Variants in DLG1 observed in about 807,000 individuals in gnomAD.
DLG1 encodes the protein disks large homolog 1.
Under a neutral mutation model 123.4 loss-of-function variants are expected in DLG1, and 42 were observed. That is an observed-to-expected ratio of 0.34 (90% CI 0.27 to 0.44). The LOEUF (loss-of-function observed/expected upper bound fraction) is 0.44, where lower values mean the gene tolerates loss of function less well. DLG1 is among the 20% of genes least tolerant of loss of function. The probability of loss-of-function intolerance (pLI) is 1.00; values close to 1 mark genes in which losing one functional copy is unlikely to be tolerated. For missense variants in DLG1, 942 were observed against 1,082.6 expected (o/e 0.87, Z 1.82); for synonymous variants, 317 against 356.2 (o/e 0.89, Z 1.24).
At chr3:197,188,211 T>C (rs1717226431) in intron 5 of DLG1, among the ~76,000 whole-genome samples, 2 of 152,204 alleles carry the variant, frequency 1.3e-5, no homozygotes, top group Admixed American at 1.3e-4. Context: ...TTCTACAGTT[T>C]CTTGTGATTG....
At chr3:197,209,060 C>A (rs1730045904) in intron 4 of DLG1, among the ~76,000 whole-genome samples, 2 of 145,946 alleles carry the variant, frequency 1.4e-5, no homozygotes, top group Non-Finnish European at 1.5e-5. Flanking sequence ...AATCAGATTT[C>A]TCATATTTAA....
intron 14 of DLG1, among the ~76,000 whole-genome samples, chr3:197,102,732 G>A (rs537194825): frequency 4.6e-5 from 7 of 152,284 alleles, no homozygotes; most frequent in Admixed American, 1.3e-4. Flanking sequence ...AAAATAAGCC[G>A]GGCGTGGTGG....
At chr3:197,058,267 G>A (rs6793938) in intron 23 of DLG1, among the ~76,000 whole-genome samples, 113,752 of 151,536 alleles carry the variant, frequency 0.75, 42,842 homozygotes, top group East Asian at 0.83. Context: ...GGGGCCGGCC[G>A]TTGTGCCCCG....
At chr3:197,226,552 C>T (rs559357207) in intron 4 of DLG1, among the ~76,000 whole-genome samples, 1 of 152,090 alleles carries the variant, frequency 6.6e-6, no homozygotes, top group Non-Finnish European at 1.5e-5. Context: ...AAAAAGAGTA[C>T]CTCAATTATC....
At chr3:197,080,949 G>T in intron 17 of DLG1, 102 bp downstream of exon 17, 2 of 1,085,948 alleles carry the variant, frequency 1.8e-6, no homozygotes, top group Non-Finnish European at 2.7e-6. Context: ...AAAGCACCAT[G>T]GCAAGAACTG....
intron 2 of DLG1, 197 bp downstream of exon 2, chr3:197,296,984 TAGAGA>T: frequency 1.6e-6 from 1 of 608,610 alleles, no homozygotes. Flanking sequence ...TCTTAATCAC[TAGAGA>T]AATGTTAAGA....
At chr3:197,169,331 G>A (rs1024372776) in intron 5 of DLG1, among the ~76,000 whole-genome samples, 1 of 152,192 alleles carries the variant, frequency 6.6e-6, no homozygotes, top group Non-Finnish European at 1.5e-5. Flanking sequence ...AGACAGAAGG[G>A]ACAATTAGGA....
In DLG1 at chr3:197,151,868, C is replaced by A. The variant is rs115992425; in HGVS notation, c.484-2072G>T. ...AACCAGTCTGGCCAACATGGGTGAG[C>A]AAAATTATGTTTCTTAAGCCTTATT... On this transcript the variant is annotated intron_variant, in intron 5 of 24. Coordinates refer to ENST00000667157, the MANE Select transcript of DLG1 (RefSeq NM_001366207.1). Among the ~76,000 whole-genome samples the A allele has an allele frequency of 3.7e-3, 568 of 152,198 alleles. 3 individuals carry two copies. The highest frequency in any genetic ancestry group is 0.013 in the African/African-American group (551 of 41,546).
chr3:197,100,369 C>CT (rs1762809467), intron 14 of DLG1, among the ~76,000 whole-genome samples: 1 of 152,200 alleles, frequency 6.6e-6, no homozygotes, highest in African/African-American at 2.4e-5. Flanking sequence ...CCTAACCTCT[C>CT]TAGACTCTGG....
chr3:197,126,008 CACAA>C (rs148455239), intron 11 of DLG1, among the ~76,000 whole-genome samples: 1,819 of 152,258 alleles, frequency 0.012, 38 homozygotes, highest in African/African-American at 0.041. Flanking sequence ...TTTCAAAAAA[CACAA>C]ACAGATTGTT....
At chr3:197,205,793 G>A (rs1561448067) in intron 4 of DLG1, among the ~76,000 whole-genome samples, 1 of 152,202 alleles carries the variant, frequency 6.6e-6, no homozygotes, top group Admixed American at 6.5e-5. Flanking sequence ...TCCAAAATGT[G>A]TCTGAGGAGG....
At chr3:197,263,995 T>G (rs1760646002) in intron 4 of DLG1, among the ~76,000 whole-genome samples, 1 of 152,190 alleles carries the variant, frequency 6.6e-6, no homozygotes, top group Non-Finnish European at 1.5e-5. Context: ...AATAGAAGTT[T>G]GCCAACTCAA....
At chr3:197,087,120 G>A (rs1274828991) in intron 15 of DLG1, among the ~76,000 whole-genome samples, 1 of 152,160 alleles carries the variant, frequency 6.6e-6, no homozygotes, top group African/African-American at 2.4e-5. Context: ...ACATTCACCT[G>A]CGTATATTCC....
At position 197,065,828 on chromosome 3, in the gene DLG1, T is replaced by C. The variant is rs753830555; in HGVS notation, c.2099-19A>G. The C allele has an allele frequency of 7.3e-7, 1 of 1,366,100 alleles. No homozygotes were observed. Among genetic ancestry groups the C allele is most frequent in the South Asian group, 1.2e-5 (1 of 81,470 alleles). The allele number at this position is 1,366,100 out of a possible 1,614,324, so 84.6% of individuals were successfully genotyped here. ...TAATTAACTATAAAGATAAACTGCA[T>C]GTTAAAAGGAATAAACATTCAACAA... On this transcript the variant is annotated intron_variant, in intron 20 of 24. Transcript: ENST00000667157.
intron 10 of DLG1, 65 bp downstream of exon 10, chr3:197,136,477 G>C: frequency 7.3e-7 from 1 of 1,375,346 alleles, no homozygotes; most frequent in South Asian, 1.4e-5. Flanking sequence ...AGAAATTCCA[G>C]TATCTATCAG....
chr3:197,112,820 G>A (rs903976227), intron 13 of DLG1, among the ~76,000 whole-genome samples: 2 of 152,002 alleles, frequency 1.3e-5, no homozygotes, highest in East Asian at 3.9e-4. Flanking sequence ...GGTCTCAAAC[G>A]CCTGGCCTCA....
intron 14 of DLG1, among the ~76,000 whole-genome samples, chr3:197,097,445 G>C (rs918347675): frequency 6.6e-6 from 1 of 151,958 alleles, no homozygotes; most frequent in Non-Finnish European, 1.5e-5. Flanking sequence ...GGGGTTCATA[G>C]GATATCTTTC....
chr3:197,232,619 TAGA>T (rs1743809553), intron 4 of DLG1, among the ~76,000 whole-genome samples: 1 of 152,100 alleles, frequency 6.6e-6, no homozygotes, highest in South Asian at 2.1e-4. Flanking sequence ...ATGAACTTGT[TAGA>T]AATGCATCCT....
chr3:197,071,403 CTTTT>C (rs34629433), intron 18 of DLG1, among the ~76,000 whole-genome samples: 5 of 131,722 alleles, frequency 3.8e-5, no homozygotes, highest in African/African-American at 5.6e-5. Flanking sequence ...TCTTCACTGT[CTTTT>C]TTTTTTTTTT....
Sources: gnomAD v4.1 joint callset for allele counts (sites outside exome capture counted in the v4.1 genomes callset) on GRCh38, gnomAD v4.1.1 for gene constraint, MANE v1.5 for transcripts, NCBI Gene and HGNC (gene_info 2026-07-23, HGNC 2026-07-21) for gene names.